The following TRDN variants were observed in gnomAD, a reference collection of about 807,000 sequenced individuals.
The protein encoded by TRDN is triadin.
A neutral mutation model predicts 149.7 loss-of-function variants in TRDN; 161 were observed. The ratio of observed to expected loss-of-function variants is 1.08; its 90% CI spans 0.95 to 1.23. TRDN has a LOEUF of 1.23. Ranked by LOEUF, TRDN falls within the 50% of genes most tolerant of loss-of-function variation. The pLI is 0.00. For missense variants in TRDN, 896 were observed against 823.5 expected (o/e 1.09, Z -1.08); for synonymous variants, 294 against 250.5 (o/e 1.17, Z -1.64).
intron 20 of TRDN, among the ~76,000 whole-genome samples, chr6:123,362,343 G>T (rs1780938149): frequency 6.6e-6 from 1 of 152,136 alleles, no homozygotes; most frequent in Admixed American, 6.5e-5. Flanking sequence ...TAAAGCATAT[G>T]TTTGAGTGTT....
intron 23 of TRDN, among the ~76,000 whole-genome samples, chr6:123,327,873 T>C (rs1779517613): frequency 6.6e-6 from 1 of 152,192 alleles, no homozygotes; most frequent in Non-Finnish European, 1.5e-5. Context: ...TTAGTGTGTT[T>C]TATATTTAAT....
At chr6:123,539,294 G>A (rs1780705780) in intron 4 of TRDN, among the ~76,000 whole-genome samples, 1 of 152,098 alleles carries the variant, frequency 6.6e-6, no homozygotes, top group African/African-American at 2.4e-5. Flanking sequence ...TGTCTAGATG[G>A]AGCCTAGATT....
intron 30 of TRDN, 101 bp downstream of exon 30, chr6:123,271,038 G>A (rs1777187977): frequency 1.0e-5 from 3 of 293,562 alleles, no homozygotes; most frequent in Admixed American, 9.8e-5. Flanking sequence ...TCAGTGAAGG[G>A]CTGTGTGTGT....
At chr6:123,312,478 G>A (rs1173227493) in intron 24 of TRDN, among the ~76,000 whole-genome samples, 1 of 151,792 alleles carries the variant, frequency 6.6e-6, no homozygotes, top group Admixed American at 6.6e-5. Context: ...AGTTCACTTT[G>A]TTGTAGGAAT....
At chr6:123,243,252 C>T (rs1429934675) in intron 38 of TRDN, among the ~76,000 whole-genome samples, 1 of 152,128 alleles carries the variant, frequency 6.6e-6, no homozygotes, top group South Asian at 2.1e-4. Context: ...TGCCCTGGGG[C>T]TAACATCACC....
At chr6:123,342,008 C>G (rs1780081452) in intron 21 of TRDN, among the ~76,000 whole-genome samples, 1 of 151,876 alleles carries the variant, frequency 6.6e-6, no homozygotes, top group Non-Finnish European at 1.5e-5. Context: ...TAACCTTTTC[C>G]TTTGACTAAA....
chr6:123,473,373 G>A (rs867877398), intron 9 of TRDN, among the ~76,000 whole-genome samples: 2,427 of 151,832 alleles, frequency 0.016, 52 homozygotes, highest in African/African-American at 0.049. Flanking sequence ...ATGAAATGAA[G>A]CGAGAAGGGA....
intron 38 of TRDN, among the ~76,000 whole-genome samples, chr6:123,244,489 G>A (rs1026051865): frequency 6.6e-6 from 1 of 152,048 alleles, no homozygotes; most frequent in South Asian, 2.1e-4. Context: ...AGAAGAAAAG[G>A]TAACAGAGAC....
At chr6:123,454,120 G>A (rs1345769902) in intron 10 of TRDN, among the ~76,000 whole-genome samples, 2 of 151,812 alleles carry the variant, frequency 1.3e-5, no homozygotes, top group South Asian at 2.1e-4. Flanking sequence ...TGAACTTTGC[G>A]GACTTGGGGG....
intron 21 of TRDN, chr6:123,350,513 A>C: frequency 1.6e-6 from 1 of 631,836 alleles, no homozygotes; most frequent in Non-Finnish European, 2.0e-6. Flanking sequence ...ATAACTAAAA[A>C]CTATGTAAGA....
At position 123,350,429 on chromosome 6, in the gene TRDN, A is replaced by T. The variant is rs549571507; in HGVS notation, c.1369+2110T>A. The T allele has an allele frequency of 1.5e-5, 9 of 603,452 alleles. No individual in the cohort carries two copies. In the East Asian group the frequency reaches 7.1e-4, roughly 47 times the overall value. 37.4% of individuals were successfully genotyped at this position (603,452 alleles called of 1,614,324 possible). ...AGTCCACATGTTTAAACAAATAAAT[A>T]AAATAAATATTTAAAGAGAATTTAA... On this transcript the variant is annotated intron_variant, in intron 21 of 40. Coordinates refer to ENST00000334268, the MANE Select transcript of TRDN (RefSeq NM_006073.4).
chr6:123,432,922 G>A (rs975842430), intron 12 of TRDN, among the ~76,000 whole-genome samples: 7 of 151,838 alleles, frequency 4.6e-5, no homozygotes, highest in South Asian at 2.1e-4. Context: ...ACTTCCCCAG[G>A]TCTTGATCCT....
intron 12 of TRDN, among the ~76,000 whole-genome samples, chr6:123,437,625 C>T (rs1774641952): frequency 6.6e-6 from 1 of 151,028 alleles, no homozygotes; most frequent in African/African-American, 2.5e-5. Context: ...ATGTAATCAT[C>T]AAGAAAGATA....
At chr6:123,462,367 T>C (rs1776498942) in intron 10 of TRDN, 1 of 152,182 alleles carries the variant, frequency 6.6e-6, no homozygotes, top group South Asian at 2.1e-4. Flanking sequence ...AAGTAAGTAC[T>C]GTGCAAGTTT....
chr6:123,313,111 T>C (rs186189582), intron 24 of TRDN, among the ~76,000 whole-genome samples: 298 of 152,186 alleles, frequency 2.0e-3, no homozygotes, highest in African/African-American at 6.8e-3. Context: ...TAGATTCTTG[T>C]ATTGTGTTTT....
chr6:123,266,477 T>G (rs1238442679), intron 32 of TRDN, among the ~76,000 whole-genome samples: 2 of 50,080 alleles, frequency 4.0e-5, no homozygotes, highest in Non-Finnish European at 6.0e-5. Flanking sequence ...ATAATATATA[T>G]ATTATAATAT....
At chr6:123,465,077 AT>A (rs1776707923) in intron 9 of TRDN, 94 bp from the exon 10 acceptor site, 2 of 1,300,500 alleles carry the variant, frequency 1.5e-6, no homozygotes, top group Non-Finnish European at 1.0e-6. Flanking sequence ...TACATGCATA[AT>A]TCATAATACC....
At chr6:123,304,003 G>A (rs1339224426) in intron 24 of TRDN, among the ~76,000 whole-genome samples, 1 of 152,028 alleles carries the variant, frequency 6.6e-6, no homozygotes, top group African/African-American at 2.4e-5. Flanking sequence ...TTGGATGCTG[G>A]GTTCTGAAAC....
chr6:123,269,002 C>T (rs763234920), intron 31 of TRDN, among the ~76,000 whole-genome samples: 1 of 151,894 alleles, frequency 6.6e-6, no homozygotes, highest in Non-Finnish European at 1.5e-5. Flanking sequence ...CTGTGTCACA[C>T]GTTCACCTTT....
Sources: gnomAD v4.1 joint callset for allele counts (sites outside exome capture counted in the v4.1 genomes callset) on GRCh38, gnomAD v4.1.1 for gene constraint, MANE v1.5 for transcripts, NCBI Gene and HGNC (gene_info 2026-07-23, HGNC 2026-07-21) for gene names.